Variants in LPAR1 observed in about 807,000 individuals in gnomAD.
The protein encoded by LPAR1 is lysophosphatidic acid receptor 1.
A neutral mutation model predicts 23.8 loss-of-function variants in LPAR1; 5 were observed. The observed-to-expected ratio is 0.21, with a 90% CI of 0.11 to 0.44. LPAR1 has a LOEUF of 0.44. LPAR1 is among the 20% of genes least tolerant of loss of function. LPAR1 has a pLI of 0.99. For missense variants in LPAR1, 311 were observed against 482.8 expected, an observed-to-expected ratio of 0.64 and a Z score of 3.33; for synonymous variants, 160 against 164.7, an observed-to-expected ratio of 0.97 and a Z score of 0.22.
chr9:110,999,287 T>G (rs1312187727), intron 2 of LPAR1: 1 of 423,558 alleles, frequency 2.4e-6, no homozygotes, highest in Non-Finnish European at 4.7e-6. Context: ...TTAAGTACAG[T>G]GCAGATGGAA....
intron 4 of LPAR1, among the ~76,000 whole-genome samples, chr9:110,961,348 C>A (rs192664156): frequency 1.3e-5 from 2 of 151,798 alleles, no homozygotes; most frequent in African/African-American, 4.8e-5. Flanking sequence ...GGGCCAGGCA[C>A]GGTGGCTCAC....
chr9:110,914,011 A>C (rs1438045293), intron 5 of LPAR1, among the ~76,000 whole-genome samples: 1 of 152,190 alleles, frequency 6.6e-6, no homozygotes, highest in Non-Finnish European at 1.5e-5. Context: ...TGGGACAAAA[A>C]GAAGTTCCCT....
intron 5 of LPAR1, among the ~76,000 whole-genome samples, chr9:110,898,913 G>GA (rs1281600279): frequency 2.0e-5 from 3 of 151,792 alleles, no homozygotes; most frequent in African/African-American, 2.4e-5. Flanking sequence ...TTCGTGCAAA[G>GA]AAAAAAAATG....
intron 4 of LPAR1, among the ~76,000 whole-genome samples, chr9:110,967,083 C>T (rs1223419358): frequency 1.3e-5 from 2 of 152,180 alleles, no homozygotes; most frequent in Non-Finnish European, 2.9e-5. Flanking sequence ...AAATACATCC[C>T]AGGAGTTTCC....
chr9:111,014,881 G>A (rs929419071), intron 2 of LPAR1, among the ~76,000 whole-genome samples: 11 of 151,824 alleles, frequency 7.2e-5, no homozygotes, highest in African/African-American at 2.7e-4. Flanking sequence ...GTGTCCCCCC[G>A]AGAAATTCAT....
intron 2 of LPAR1, among the ~76,000 whole-genome samples, chr9:111,019,823 C>T (rs954648259): frequency 6.6e-6 from 1 of 151,978 alleles, no homozygotes; most frequent in East Asian, 1.9e-4. Flanking sequence ...TCAGCCTGGG[C>T]GACAGAGTGA....
intron 5 of LPAR1, among the ~76,000 whole-genome samples, chr9:110,899,738 T>G (rs945231681): frequency 1.3e-5 from 2 of 152,220 alleles, no homozygotes; most frequent in Non-Finnish European, 2.9e-5. Context: ...TACTCATCCA[T>G]GTACAGCACT....
At chr9:111,036,449 T>G (rs7041855) in intron 1 of LPAR1, among the ~76,000 whole-genome samples, 79,915 of 151,774 alleles carry the variant, frequency 0.53, 21,250 homozygotes, top group Admixed American at 0.58. Context: ...CTCTGTTGCT[T>G]GTTTTCTTCC....
At chr9:111,030,880 A>C (rs2097782136) in intron 2 of LPAR1, among the ~76,000 whole-genome samples, 1 of 152,220 alleles carries the variant, frequency 6.6e-6, no homozygotes, top group Non-Finnish European at 1.5e-5. Context: ...TCTCTAAAGC[A>C]AAAGAAAATG....
intron 4 of LPAR1, among the ~76,000 whole-genome samples, chr9:110,946,754 T>C (rs1232618535): frequency 6.6e-6 from 1 of 152,134 alleles, no homozygotes; most frequent in Non-Finnish European, 1.5e-5. Flanking sequence ...TTCTAAATAA[T>C]TGTTCTTCAT....
chr9:111,005,546 C>CAAAAAAAAAAAAA (rs60143050), intron 2 of LPAR1, among the ~76,000 whole-genome samples: 11 of 70,342 alleles, frequency 1.6e-4, no homozygotes, highest in African/African-American at 6.6e-4. Flanking sequence ...GACCCTGTCT[C>CAAAAAAAAAAAAA]AAAAAAAAAA....
chr9:110,942,211 G>T, intron 4 of LPAR1, 43 bp from the exon 5 acceptor site: 1 of 1,548,652 alleles, frequency 6.5e-7, no homozygotes, highest in South Asian at 1.3e-5. Flanking sequence ...GAAGGCACAG[G>T]TCCAAATTTA....
At chr9:110,909,938 AG>A (rs1318285792) in intron 5 of LPAR1, among the ~76,000 whole-genome samples, 2 of 151,798 alleles carry the variant, frequency 1.3e-5, no homozygotes, top group South Asian at 2.1e-4. Flanking sequence ...TTGGAGAGAC[AG>A]GGTTTCATCA....
At chr9:111,002,516 G>A (rs1226409091) in intron 2 of LPAR1, among the ~76,000 whole-genome samples, 1 of 152,120 alleles carries the variant, frequency 6.6e-6, no homozygotes, top group Non-Finnish European at 1.5e-5. Context: ...CCAGAAGTAT[G>A]GCTCAATGTG....
chr9:110,887,772 A>G (rs1002434619), intron 5 of LPAR1, among the ~76,000 whole-genome samples: 1 of 152,186 alleles, frequency 6.6e-6, no homozygotes, highest in Admixed American at 6.5e-5. Context: ...AAATATTGCA[A>G]AGCAAATTCT....
At chr9:110,937,974 C>T (rs1360524328) in intron 5 of LPAR1, among the ~76,000 whole-genome samples, 2 of 152,160 alleles carry the variant, frequency 1.3e-5, no homozygotes, top group African/African-American at 2.4e-5. Flanking sequence ...CTAGGTTTGG[C>T]TCCCACATAG....
chr9:110,959,747 A>G lies in LPAR1; in HGVS notation c.45+12326T>C, dbSNP rs76859692. Among the ~76,000 whole-genome samples the G allele has an allele frequency of 9.1e-3, 1,392 of 152,340 alleles. 22 individuals carry two copies. The highest frequency in any genetic ancestry group is 0.031 in the African/African-American group (1,281 of 41,582). On this transcript the variant is annotated intron_variant, in intron 4 of 5. Coordinates refer to ENST00000683809, the MANE Select transcript of LPAR1 (RefSeq NM_001351411.2). ...TAGCAGAGACACAGATTCAACCTAA[A>G]TGCCTACCAATTAATGAATGGATAA... is the stretch of plus-strand genomic sequence containing the variant.
intron 2 of LPAR1, among the ~76,000 whole-genome samples, chr9:111,012,644 C>A (rs1455848809): frequency 6.6e-6 from 1 of 152,026 alleles, no homozygotes; most frequent in Non-Finnish European, 1.5e-5. Flanking sequence ...AAAACAATAT[C>A]TGGGATGTGG....
At chr9:111,015,650 A>T (rs2097429617) in intron 2 of LPAR1, among the ~76,000 whole-genome samples, 1 of 152,202 alleles carries the variant, frequency 6.6e-6, no homozygotes. Flanking sequence ...TGCACAGCAG[A>T]GTGGCTAGAG....
Sources: allele counts gnomAD v4.1 joint callset (sites outside exome capture counted in the v4.1 genomes callset), GRCh38; gene constraint gnomAD v4.1.1; transcripts MANE v1.5; gene names NCBI Gene and HGNC (gene_info 2026-07-23, HGNC 2026-07-21).